The following PSMA1 variants were observed in gnomAD, a reference collection of about 807,000 sequenced individuals.
PSMA1 encodes the protein proteasome subunit alpha type-1.
A neutral mutation model predicts 38.4 loss-of-function variants in PSMA1; 3 were observed. That is an observed-to-expected ratio of 0.08 (90% CI 0.04 to 0.20). The LOEUF is 0.20. PSMA1 is among the 10% of genes least tolerant of loss of function. The pLI is 1.00. For synonymous variants in PSMA1, 101 were observed against 107.1 expected (o/e 0.94, Z 0.35); for missense variants, 227 against 325.3 (o/e 0.70, Z 2.32).
intron 8 of PSMA1, among the ~76,000 whole-genome samples, chr11:14,508,195 C>T (rs966338455): frequency 1.3e-5 from 2 of 152,102 alleles, no homozygotes; most frequent in African/African-American, 4.8e-5. Context: ...CATTCATGCT[C>T]CCCTTCTTTT....
chr11:14,553,046 A>C (rs1361384137), intron 2 of PSMA1, among the ~76,000 whole-genome samples: 2 of 152,030 alleles, frequency 1.3e-5, no homozygotes, highest in Non-Finnish European at 2.9e-5. Flanking sequence ...GCTGATCTCG[A>C]ATTCCTGGGC....
chr11:14,581,234 T>A (rs1485841762), intron 2 of PSMA1, among the ~76,000 whole-genome samples: 1 of 152,216 alleles, frequency 6.6e-6, no homozygotes, highest in Non-Finnish European at 1.5e-5. Context: ...GCATTTGTTC[T>A]AAGGGCATAT....
intron 2 of PSMA1, among the ~76,000 whole-genome samples, chr11:14,567,899 T>C (rs1468990665): frequency 6.6e-6 from 1 of 152,208 alleles, no homozygotes; most frequent in Non-Finnish European, 1.5e-5. Flanking sequence ...CAAACGTGTG[T>C]TAGATAAGCT....
intron 2 of PSMA1, among the ~76,000 whole-genome samples, chr11:14,539,923 T>G (rs1191046099): frequency 6.6e-6 from 1 of 151,550 alleles, no homozygotes; most frequent in Admixed American, 6.6e-5. Flanking sequence ...AAATCCTATA[T>G]GGCTAAGATA....
At chr11:14,575,210 T>C (rs1047536064) in intron 2 of PSMA1, among the ~76,000 whole-genome samples, 1 of 152,140 alleles carries the variant, frequency 6.6e-6, no homozygotes, top group Non-Finnish European at 1.5e-5. Flanking sequence ...GGAGATGATT[T>C]AGGGTATCCA....
At chr11:14,588,200 G>C (rs1852371380) in intron 2 of PSMA1, among the ~76,000 whole-genome samples, 1 of 152,320 alleles carries the variant, frequency 6.6e-6, no homozygotes, top group East Asian at 1.9e-4. Context: ...AAAAACTTCA[G>C]AAAGGAATAG....
chr11:14,570,971 A>T (rs764077356), intron 2 of PSMA1, among the ~76,000 whole-genome samples: 5 of 152,236 alleles, frequency 3.3e-5, no homozygotes, highest in Non-Finnish European at 5.9e-5. Context: ...CGGGTTACCC[A>T]CAAAGGGAAG....
chr11:14,604,438 A>G (rs768528894), intron 2 of PSMA1, among the ~76,000 whole-genome samples: 1 of 152,208 alleles, frequency 6.6e-6, no homozygotes, highest in Non-Finnish European at 1.5e-5. Flanking sequence ...TAGGGCCCCA[A>G]TGCAAAGATA....
intron 1 of PSMA1, among the ~76,000 whole-genome samples, chr11:14,628,257 G>A (rs561126446): frequency 1.7e-3 from 248 of 147,328 alleles, no homozygotes; most frequent in African/African-American, 5.3e-3. Flanking sequence ...ATGCTGGTGC[G>A]CTGCACCCAC....
chr11:14,633,540 A>T (rs1251635359), intron 1 of PSMA1, among the ~76,000 whole-genome samples: 1 of 152,052 alleles, frequency 6.6e-6, no homozygotes, highest in African/African-American at 2.4e-5. Context: ...GCTCTCTTCA[A>T]AGCTGTCAGA....
intron 2 of PSMA1, among the ~76,000 whole-genome samples, chr11:14,577,473 G>T (rs898182364): frequency 1.3e-5 from 2 of 152,046 alleles, no homozygotes; most frequent in African/African-American, 4.8e-5. Context: ...GTCATACTGT[G>T]AACCCTCACA....
intron 2 of PSMA1, among the ~76,000 whole-genome samples, chr11:14,541,630 A>G (rs1342067642): frequency 1.3e-5 from 2 of 152,172 alleles, no homozygotes; most frequent in Non-Finnish European, 2.9e-5. Flanking sequence ...CATTCTTGAT[A>G]CCTTTTGGAA....
intron 2 of PSMA1, among the ~76,000 whole-genome samples, chr11:14,540,773 G>A (rs1054741228): frequency 6.6e-6 from 1 of 152,174 alleles, no homozygotes; most frequent in Non-Finnish European, 1.5e-5. Context: ...TACACTTTTT[G>A]TGAAAAGAAT....
At chr11:14,593,863 A>C (rs944318004) in intron 2 of PSMA1, among the ~76,000 whole-genome samples, 13 of 152,136 alleles carry the variant, frequency 8.5e-5, no homozygotes, top group Non-Finnish European at 1.8e-4. Flanking sequence ...CTAACAGAAC[A>C]CTGTATCTTG....
intron 4 of PSMA1, among the ~76,000 whole-genome samples, 167 bp from the exon 5 acceptor site, chr11:14,514,658 TA>T (rs1851398039): frequency 6.6e-6 from 1 of 152,194 alleles, no homozygotes; most frequent in East Asian, 1.9e-4. Flanking sequence ...GTTTTTGTGC[TA>T]AACTCTGGAG....
chr11:14,592,510 C>T (rs2134189139), intron 2 of PSMA1, among the ~76,000 whole-genome samples: 1 of 152,186 alleles, frequency 6.6e-6, no homozygotes. Context: ...CTCAGCGTCC[C>T]AAGTAGCTGG....
chr11:14,516,914 A>T (rs1317177789), intron 4 of PSMA1, among the ~76,000 whole-genome samples: 1 of 152,044 alleles, frequency 6.6e-6, no homozygotes, highest in Non-Finnish European at 1.5e-5. Flanking sequence ...TGAGAGTGAG[A>T]CTCCATCTCA....
chr11:14,551,786 T>G (rs1275198674), intron 2 of PSMA1, among the ~76,000 whole-genome samples: 1 of 152,198 alleles, frequency 6.6e-6, no homozygotes, highest in Non-Finnish European at 1.5e-5. Context: ...AAAGTCTACT[T>G]TAAAGAGGGG....
At chr11:14,638,537 CTCTCTCTCTATATATATATATA>C (rs1474413151) in intron 1 of PSMA1, among the ~76,000 whole-genome samples, 21 of 22,722 alleles carry the variant, frequency 9.2e-4, no homozygotes, top group South Asian at 1.8e-3. Context: ...CTCTCTCTCT[CTCTCTCTCTATATATATATATA>C]TATATATATA....
Sources: gnomAD v4.1 joint callset for allele counts (sites outside exome capture counted in the v4.1 genomes callset) on GRCh38, gnomAD v4.1.1 for gene constraint, MANE v1.5 for transcripts, NCBI Gene and HGNC (gene_info 2026-07-23, HGNC 2026-07-21) for gene names.